The following CYP3A5 variants were observed in gnomAD, a reference collection of about 807,000 sequenced individuals.
CYP3A5 encodes the protein cytochrome P450 family 3 subfamily A member 5.
A neutral mutation model predicts 55.9 loss-of-function variants in CYP3A5; 51 were observed. The ratio of observed to expected loss-of-function variants is 0.91; its 90% CI spans 0.73 to 1.15. The LOEUF (loss-of-function observed/expected upper bound fraction) is 1.15. Ranked by LOEUF, CYP3A5 falls within the 50% of genes most tolerant of loss-of-function variation. CYP3A5 has a pLI of 0.00. For missense variants in CYP3A5, 533 were observed against 596.6 expected, an observed-to-expected ratio of 0.89 and a Z score of 1.11; for synonymous variants, 196 against 213.9, an observed-to-expected ratio of 0.92 and a Z score of 0.73.
chr7:99,650,113 AC>A lies in CYP3A5; in HGVS notation c.1372del (p.Val458SerfsTer17), dbSNP rs547253411. ...LMNMKLALIR[V>X]LQNFSFKPCK... ...AGGTTTGAAGGAGAAGTTCTGAAGG[AC>A]TCTGATTAGAGCAAGTTTCATGTTC... On this transcript the variant is annotated frameshift_variant, in exon 12 of 13. Coordinates refer to ENST00000222982, the MANE Select transcript of CYP3A5 (RefSeq NM_000777.5). LOFTEE classifies it low-confidence loss of function (END_TRUNC). 1.9e-3 allele frequency: 3,012 copies of A among 1,614,164 alleles called. 3 individuals carry two copies. Among genetic ancestry groups the A allele is most frequent in the Non-Finnish European group, 2.4e-3 (2,861 of 1,179,998 alleles).
At chr7:99,669,272 A>G (rs1234995829) in intron 4 of CYP3A5, among the ~76,000 whole-genome samples, 3 of 152,216 alleles carry the variant, frequency 2.0e-5, no homozygotes, top group Admixed American at 1.3e-4. Context: ...TTGAAGAGGC[A>G]TTATATGCAA....
At chr7:99,649,129 T>C (rs1442101673) in intron 12 of CYP3A5, among the ~76,000 whole-genome samples, 1 of 152,122 alleles carries the variant, frequency 6.6e-6, no homozygotes, top group African/African-American at 2.4e-5. Context: ...AGTGCCAGCC[T>C]GAGATGCCTG....
intron 1 of CYP3A5, chr7:99,676,473 C>T: frequency 8.5e-6 from 12 of 1,418,450 alleles, no homozygotes; most frequent in Non-Finnish European, 1.1e-5. Flanking sequence ...TGATAAATGT[C>T]CTCAAATGCT....
At chr7:99,652,320 C>A in intron 11 of CYP3A5, 2 of 340,312 alleles carry the variant, frequency 5.9e-6, no homozygotes, top group Non-Finnish European at 5.3e-6. Flanking sequence ...TAGAAAAATG[C>A]CCACAGGGAC....
At chr7:99,663,462 C>T (rs1057268167) in intron 8 of CYP3A5, 25 of 989,940 alleles carry the variant, frequency 2.5e-5, no homozygotes, top group Non-Finnish European at 3.0e-5. Context: ...GCCTTGCAAC[C>T]TCAATTCTCA....
At chr7:99,678,907 C>T (rs1812550766) in intron 1 of CYP3A5, among the ~76,000 whole-genome samples, 1 of 152,218 alleles carries the variant, frequency 6.6e-6, no homozygotes, top group East Asian at 1.9e-4. Context: ...AGTAACTCTT[C>T]TCTCCACCTG....
Position 99,662,738 on chromosome 7 carries a change from A to T in CYP3A5, c.865+78T>A. ...GCAAAAATTCTCATCTTCCTGGAATACTTCCTGCACATTTTCAGAACAAGG... is the reference window on the plus strand; with the variant it reads ...GCAAAAATTCTCATCTTCCTGGAATTCTTCCTGCACATTTTCAGAACAAGG... On this transcript the variant is annotated intron_variant, in intron 9 of 12. Transcript: ENST00000222982. The surrounding 1 kb of genome is among the most constrained non-coding windows in gnomAD (Gnocchi z 4.3). 1.5e-6 allele frequency: 2 copies of T among 1,361,836 alleles called. No homozygotes were observed. The highest frequency in any genetic ancestry group is 2.1e-6 in the Non-Finnish European group (2 of 960,466). The allele number at this position is 1,361,836 out of a possible 1,614,324, so 84.4% of individuals were successfully genotyped here. A position where few individuals can be genotyped will look rare whatever the true frequency, so the allele number is the denominator to read the frequency against.
chr7:99,666,453 TC>T, intron 6 of CYP3A5, 147 bp downstream of exon 6: 1 of 807,486 alleles, frequency 1.2e-6, no homozygotes, highest in South Asian at 1.6e-5. Flanking sequence ...TGGGAGCCAC[TC>T]CCTCTTAGGT....
intron 10 of CYP3A5, among the ~76,000 whole-genome samples, chr7:99,657,144 C>T (rs1415612930): frequency 1.3e-5 from 2 of 151,970 alleles, no homozygotes; most frequent in Non-Finnish European, 2.9e-5. Context: ...GTGTTTGCTC[C>T]TGCTTCTCTA....
intron 10 of CYP3A5, among the ~76,000 whole-genome samples, chr7:99,658,674 T>G (rs994676275): frequency 8.5e-5 from 13 of 152,210 alleles, no homozygotes; most frequent in Non-Finnish European, 1.8e-4. Flanking sequence ...TCCTGCAGAG[T>G]GTTTTCCAAC....
At chr7:99,678,263 G>T (rs975349034) in intron 1 of CYP3A5, among the ~76,000 whole-genome samples, 3 of 152,186 alleles carry the variant, frequency 2.0e-5, no homozygotes, top group Admixed American at 6.5e-5. Flanking sequence ...CAACCTGTTT[G>T]CCCTTTGAGT....
At chr7:99,652,338 ATTATCT>A (rs963152061) in intron 11 of CYP3A5, 7 of 394,716 alleles carry the variant, frequency 1.8e-5, no homozygotes, top group East Asian at 7.8e-5. Context: ...GACATAATTG[ATTATCT>A]TTGTCTTGTG....
At chr7:99,672,837 A>T in intron 3 of CYP3A5, 158 bp from the exon 4 acceptor site, 1 of 1,449,570 alleles carries the variant, frequency 6.9e-7, no homozygotes, top group Non-Finnish European at 9.1e-7. Flanking sequence ...AGGGTGTGAC[A>T]CACAGCAAGA....
chr7:99,674,600 A>G lies in CYP3A5; in HGVS notation c.166-15T>C. The G allele has an allele frequency of 6.2e-7, 1 of 1,608,384 alleles. No individual in the cohort carries two copies. The highest frequency in any genetic ancestry group is 8.5e-7 in the Non-Finnish European group (1 of 1,175,046). On this transcript the variant is annotated splice_polypyrimidine_tract_variant and intron_variant, in intron 2 of 12. Transcript: ENST00000222982. ...TTCCAGAGACCCTGGGAGAGGAAAC[A>G]AAATACAAGTTGATTATTATTTTAA...
chr7:99,679,904 T>C lies in CYP3A5; in HGVS notation c.-8A>G. On this transcript the variant is annotated 5_prime_UTR_variant, in exon 1 of 13. Transcript: ENST00000222982. ...ATTTGGGATGAGGTCCATCGCCACT[T>C]TCCTTCTTCAACTGTGTTCTGTGAG... The C allele has an allele frequency of 6.2e-7, 1 of 1,613,606 alleles. No individual in the cohort carries two copies. The highest frequency in any genetic ancestry group is 1.1e-5 in the South Asian group (1 of 91,064).
At chr7:99,674,726 T>C (rs144018417) in intron 2 of CYP3A5, 141 bp from the exon 3 acceptor site, 62 of 621,992 alleles carry the variant, frequency 1.0e-4, no homozygotes, top group African/African-American at 9.3e-4. Flanking sequence ...TATTCAGAGA[T>C]GTCTTAAGGG....
In CYP3A5 at chr7:99,662,706, C is replaced by T. The variant is rs1810570174; in HGVS notation, c.865+110G>A. On this transcript the variant is annotated intron_variant, in intron 9 of 12. Transcript: ENST00000222982. This position sits in a 1 kb window ranked among gnomAD's most constrained non-coding sequence, Gnocchi z 4.3. ...TAACATCTAAATGTGTGTTGTTCTG[C>T]TATGTGGCAAAAATTCTCATCTTCC... 2.9e-6 allele frequency: 3 copies of T among 1,044,896 alleles called. No individual in the cohort carries two copies. The Admixed American group carries it at 5.7e-5, about 20-fold the overall frequency. 64.7% of individuals were successfully genotyped at this position (1,044,896 alleles called of 1,614,324 possible).
In CYP3A5 at chr7:99,653,846, T is replaced by C. The variant is rs1409566842; in HGVS notation, c.1027-1067A>G. ...TTTGGGAGGCAGTATTGTAGAGGGTTAGAGTTTAGCTCAGGAGTCAGATAC... is the reference window on the plus strand; with the variant it reads ...TTTGGGAGGCAGTATTGTAGAGGGTCAGAGTTTAGCTCAGGAGTCAGATAC... On this transcript the variant is annotated intron_variant, in intron 10 of 12. Transcript: ENST00000222982. The surrounding 1 kb of genome is among the most constrained non-coding windows in gnomAD (Gnocchi z 4.2). Among the ~76,000 whole-genome samples, 2 of 152,224 alleles carry C rather than the reference T, an allele frequency of 1.3e-5. No individual in the cohort carries two copies. Among genetic ancestry groups the C allele is most frequent in the Non-Finnish European group, 2.9e-5 (2 of 68,036 alleles).
chr7:99,665,926 T>TA (rs1420274728), intron 6 of CYP3A5, among the ~76,000 whole-genome samples: 1 of 151,934 alleles, frequency 6.6e-6, no homozygotes, highest in Non-Finnish European at 1.5e-5. Flanking sequence ...ATGTTCTGGT[T>TA]AAAAAAAATA....
Sources: allele counts gnomAD v4.1 joint callset (sites outside exome capture counted in the v4.1 genomes callset), GRCh38; gene constraint gnomAD v4.1.1; non-coding constraint Gnocchi (gnomAD v3.1); transcripts MANE v1.5; gene names NCBI Gene and HGNC (gene_info 2026-07-23, HGNC 2026-07-21).